The following PRUNE2 variants were observed in gnomAD, a reference collection of about 807,000 sequenced individuals.
PRUNE2 encodes the protein prune homolog 2 with BCH domain.
In PRUNE2, 164 loss-of-function variants were observed where a neutral mutation model predicts 252.0. The ratio of observed to expected loss-of-function variants is 0.65; its 90% CI spans 0.57 to 0.74. The LOEUF (loss-of-function observed/expected upper bound fraction) is 0.74. PRUNE2 is among the 30% of genes least tolerant of loss of function. The pLI is 0.00. For missense variants in PRUNE2, 3,495 were observed against 3,711.0 expected (o/e 0.94, Z 1.51); for synonymous variants, 1,292 against 1,350.2 (o/e 0.96, Z 0.94).
chr9:76,820,412 T>G (rs1347992027), intron 6 of PRUNE2, among the ~76,000 whole-genome samples: 1 of 152,202 alleles, frequency 6.6e-6, no homozygotes, highest in Non-Finnish European at 1.5e-5. Context: ...TTGAAGGCAG[T>G]GGTTTCTACC....
intron 3 of PRUNE2, among the ~76,000 whole-genome samples, chr9:76,849,252 T>G (rs1330579173): frequency 6.6e-6 from 1 of 152,192 alleles, no homozygotes; most frequent in Non-Finnish European, 1.5e-5. Context: ...ACACTGAGTT[T>G]CAAGTTTCTT....
intron 7 of PRUNE2, among the ~76,000 whole-genome samples, chr9:76,711,867 C>T (rs533955840): frequency 1.3e-5 from 2 of 152,196 alleles, no homozygotes; most frequent in African/African-American, 2.4e-5. Flanking sequence ...CTGATCTTTC[C>T]GAACAGCACT....
intron 6 of PRUNE2, among the ~76,000 whole-genome samples, chr9:76,772,731 T>C (rs1322609803): frequency 4.6e-5 from 7 of 152,128 alleles, no homozygotes; most frequent in Admixed American, 4.6e-4. Context: ...ATCCAGCTAA[T>C]TGTTTAATTT....
At chr9:76,695,322 G>T (rs1396587895) in intron 9 of PRUNE2, among the ~76,000 whole-genome samples, 1 of 152,200 alleles carries the variant, frequency 6.6e-6, no homozygotes, top group African/African-American at 2.4e-5. Context: ...ACAGGCATAA[G>T]CCAGCGCGCC....
chr9:76,896,181 T>C (rs900108863), intron 1 of PRUNE2, among the ~76,000 whole-genome samples: 1 of 152,204 alleles, frequency 6.6e-6, no homozygotes, highest in Admixed American at 6.5e-5. Flanking sequence ...TCCCTTTCCA[T>C]CATCCCCTTC....
At chr9:76,673,033 A>C (rs1361220774) in intron 9 of PRUNE2, among the ~76,000 whole-genome samples, 1 of 151,680 alleles carries the variant, frequency 6.6e-6, no homozygotes, top group Non-Finnish European at 1.5e-5. Context: ...AGCTAGCAGA[A>C]GGCAAAAAAT....
intron 6 of PRUNE2, among the ~76,000 whole-genome samples, chr9:76,753,866 T>C (rs996708259): frequency 7.6e-4 from 90 of 118,464 alleles, no homozygotes; most frequent in African/African-American, 2.4e-3. Flanking sequence ...TGCAGTGAGC[T>C]GAGATTGAGC....
At chr9:76,701,492 C>G (rs1188408230) in intron 9 of PRUNE2, among the ~76,000 whole-genome samples, 1 of 152,028 alleles carries the variant, frequency 6.6e-6, no homozygotes, top group East Asian at 1.9e-4. Context: ...AAAATGCACA[C>G]AAGAAGCCAA....
chr9:76,840,710 G>A (rs2059335746), intron 4 of PRUNE2, among the ~76,000 whole-genome samples: 1 of 152,198 alleles, frequency 6.6e-6, no homozygotes, highest in Non-Finnish European at 1.5e-5. Flanking sequence ...GCTGGGAGTG[G>A]TGGCTCAGGC....
At chr9:76,667,961 G>A (rs769924577) in intron 9 of PRUNE2, among the ~76,000 whole-genome samples, 27 of 152,192 alleles carry the variant, frequency 1.8e-4, no homozygotes, top group African/African-American at 5.8e-4. Context: ...GGTGGGTAGC[G>A]TAGGGGGAGG....
intron 1 of PRUNE2, among the ~76,000 whole-genome samples, chr9:76,876,825 T>C (rs1191954935): frequency 1.3e-5 from 2 of 152,202 alleles, no homozygotes; most frequent in Non-Finnish European, 2.9e-5. Context: ...TCTCTAGAAT[T>C]ACAGTGACTC....
intron 4 of PRUNE2, among the ~76,000 whole-genome samples, chr9:76,840,391 A>C (rs2059315796): frequency 6.6e-6 from 1 of 152,198 alleles, no homozygotes; most frequent in Non-Finnish European, 1.5e-5. Flanking sequence ...CATTTACAGC[A>C]CACCAGCATG....
At chr9:76,642,453 C>G (rs746754082) in intron 12 of PRUNE2, among the ~76,000 whole-genome samples, 51 of 152,324 alleles carry the variant, frequency 3.3e-4, no homozygotes, top group South Asian at 1.5e-3. Context: ...AGGTAGGACA[C>G]CTGGCAGGGC....
intron 9 of PRUNE2, chr9:76,700,060 C>T (rs1280031915): frequency 6.6e-6 from 1 of 152,174 alleles, no homozygotes; most frequent in Non-Finnish European, 1.5e-5. Context: ...TGCAGTGCTG[C>T]AAATCTCAAG....
intron 6 of PRUNE2, among the ~76,000 whole-genome samples, chr9:76,762,617 C>T (rs916966861): frequency 3.9e-5 from 6 of 152,156 alleles, no homozygotes; most frequent in Non-Finnish European, 8.8e-5. Flanking sequence ...AAACTCTCCA[C>T]GTTTCTTTTT....
At chr9:76,852,208 G>A (rs1564439995) in intron 2 of PRUNE2, among the ~76,000 whole-genome samples, 3 of 152,214 alleles carry the variant, frequency 2.0e-5, no homozygotes, top group African/African-American at 7.2e-5. Context: ...CCAACAAAGT[G>A]GGTTTTCTCC....
chr9:76,867,088 A>C (rs1429136830), intron 1 of PRUNE2, among the ~76,000 whole-genome samples: 2 of 152,190 alleles, frequency 1.3e-5, no homozygotes, highest in African/African-American at 2.4e-5. Context: ...CTGGGCAGCT[A>C]TAGCCTAGGC....
intron 4 of PRUNE2, among the ~76,000 whole-genome samples, chr9:76,834,801 A>G (rs1359071935): frequency 1.3e-5 from 2 of 152,232 alleles, no homozygotes; most frequent in Non-Finnish European, 2.9e-5. Context: ...ACTTTATCCC[A>G]GGAACTCATC....
intron 6 of PRUNE2, among the ~76,000 whole-genome samples, chr9:76,802,086 C>G (rs947713148): frequency 1.3e-5 from 2 of 152,168 alleles, no homozygotes; most frequent in African/African-American, 4.8e-5. Context: ...ACGTTCTCAA[C>G]TCTCCAAAAT....
Sources: gnomAD v4.1 joint callset for allele counts (sites outside exome capture counted in the v4.1 genomes callset) on GRCh38, gnomAD v4.1.1 for gene constraint, MANE v1.5 for transcripts, NCBI Gene and HGNC (gene_info 2026-07-23, HGNC 2026-07-21) for gene names.